Variants in LCN6 observed in about 807,000 individuals in gnomAD.
LCN6 encodes lipocalin 6.
In LCN6, 20 loss-of-function variants were observed where a neutral mutation model predicts 21.4. The observed-to-expected ratio is 0.93, with a 90% CI of 0.66 to 1.36. The LOEUF is 1.36. LCN6 is among the 40% of genes most tolerant of loss of function. The pLI, the probability that LCN6 is intolerant of heterozygous loss-of-function variation, is 0.00. For synonymous variants in LCN6, 96 were observed against 89.0 expected, an observed-to-expected ratio of 1.08 and a Z score of -0.44; for missense variants, 217 against 206.6, an observed-to-expected ratio of 1.05 and a Z score of -0.31.
intron 1 of LCN6, 78 bp from the exon 2 acceptor site, chr9:136,747,641 C>A: frequency 9.4e-7 from 1 of 1,067,286 alleles, no homozygotes; most frequent in Non-Finnish European, 1.3e-6. Context: ...CAGCCTCAGC[C>A]TCCAGCCTCC....
rs777864424 is a variant in LCN6 at position 136,748,485 on chromosome 9, C to T, written c.-2G>A. 2 of 1,612,710 alleles carry T rather than the reference C, an allele frequency of 1.2e-6. No individual in the cohort carries two copies. Among genetic ancestry groups the T allele is most frequent in the East Asian group, 2.2e-5 (1 of 44,848 alleles). The stretch of plus-strand genomic sequence containing the variant: ...AGCAGCCAGCAGCAGGCCGCCCATC[C>T]TCCCAGGTCTACACTGCGCCGCAGG... On this transcript the variant is annotated 5_prime_UTR_variant, in exon 1 of 7. Coordinates refer to ENST00000341206, the MANE Select transcript of LCN6 (RefSeq NM_198946.3).
In LCN6 at chr9:136,748,317, G is replaced by A. The variant is rs531657803; in HGVS notation, c.90+77C>T. On this transcript the variant is annotated intron_variant, in intron 1 of 6. Coordinates refer to ENST00000341206, the MANE Select transcript of LCN6 (RefSeq NM_198946.3). ...ATGCTGGTCTGGGCTAGCCCTGGGG[G>A]GCCCAGAAGCTGTGTGGCCTTAAAG... 3.3e-4 allele frequency: 425 copies of A among 1,294,276 alleles called. No individual in the cohort carries two copies. The African/African-American group carries it at 5.7e-3, about 17-fold the overall frequency. The allele number at this position is 1,294,276 out of a possible 1,614,324, so 80.2% of individuals were successfully genotyped here. A position where few individuals can be genotyped will look rare whatever the true frequency, so the allele number is the denominator to read the frequency against.
chr9:136,745,748 T>TGCC lies in LCN6; in HGVS notation c.301+95_301+96insGGC, dbSNP rs1847028558. The TGCC allele has an allele frequency of 4.7e-6, 5 of 1,073,008 alleles. No homozygotes were observed. In the African/African-American group the frequency reaches 7.8e-5, roughly 17 times the overall value. 66.5% of individuals were successfully genotyped at this position (1,073,008 alleles called of 1,614,324 possible). A position where few individuals can be genotyped will look rare whatever the true frequency, so the allele number is the denominator to read the frequency against. On this transcript the variant is annotated intron_variant, in intron 3 of 6. Coordinates refer to ENST00000341206, the MANE Select transcript of LCN6 (RefSeq NM_198946.3). The stretch of plus-strand genomic sequence containing the variant: ...ACCAGAACCTGTAGCCTCCTGGCTC[T>TGCC]CGGGAGCGGAGTCAGCCCTCCGTCC...
At chr9:136,747,315 C>T (rs1847052152) in intron 2 of LCN6, 109 bp downstream of exon 2, 7 of 1,281,278 alleles carry the variant, frequency 5.5e-6, no homozygotes, top group African/African-American at 2.9e-5. Flanking sequence ...GCAGAGGGGC[C>T]GTGGGAAGCC....
At position 136,748,051 on chromosome 9, in the gene LCN6, TTCTACAGCCCTCCAGCCTCCAGCCCAGC is replaced by T. The variant is rs1202998743; in HGVS notation, c.90+315_90+342del. On this transcript the variant is annotated intron_variant, in intron 1 of 6. Coordinates refer to ENST00000341206, the MANE Select transcript of LCN6 (RefSeq NM_198946.3). ...CAGCCTCCAGCCCTCCAGCCTCCAGTTCTACAGCCCTCCAGCCTCCAGCCCAGCAGCCTCCAGCCTCCAGTTCTCCAGC... is the reference window on the plus strand; with the variant it reads ...CAGCCTCCAGCCCTCCAGCCTCCAGTAGCCTCCAGCCTCCAGTTCTCCAGC... Among the ~76,000 whole-genome samples the T allele has an allele frequency of 6.7e-3, 646 of 96,018 alleles. 2 individuals carry two copies. The highest frequency in any genetic ancestry group is 0.029 in the African/African-American group (611 of 21,278). 63.0% of individuals were successfully genotyped at this position (96,018 alleles called of 152,430 possible). A position where few individuals can be genotyped will look rare whatever the true frequency, so the allele number is the denominator to read the frequency against.
chr9:136,747,460 G>A lies in LCN6; in HGVS notation c.194C>T (p.Pro65Leu). The change falls in exon 2 of 7, where the codon CCA (proline) becomes CTA (leucine). Residue 65 changes from proline (P) to leucine (L), a missense_variant. Coordinates refer to ENST00000341206, the MANE Select transcript of LCN6 (RefSeq NM_198946.3). Reference protein sequence around the residue: ...NVVGVVVTLTPENNLRTLSSQ... With the variant: ...NVVGVVVTLTLENNLRTLSSQ... Reference sequence around the variant, plus strand: ...GGACAGCGTCCGCAGGTTGTTTTCTGGAGTGAGGGTCACCACCACCCCCAC... The same window carrying A: ...GGACAGCGTCCGCAGGTTGTTTTCTAGAGTGAGGGTCACCACCACCCCCAC... The A allele has an allele frequency of 6.2e-7, 1 of 1,613,642 alleles. No homozygotes were observed. The highest frequency in any genetic ancestry group is 1.7e-4 in the Middle Eastern group (1 of 6,058).
chr9:136,746,398 G>A (rs1847039270), intron 2 of LCN6, among the ~76,000 whole-genome samples: 1 of 150,826 alleles, frequency 6.6e-6, no homozygotes, highest in Non-Finnish European at 1.5e-5. Context: ...GGGGCGGGGT[G>A]GGGGTTTGCC....
At chr9:136,747,585 TA>T in intron 1 of LCN6, 22 bp from the exon 2 acceptor site, 1 of 1,604,058 alleles carries the variant, frequency 6.2e-7, no homozygotes, top group Non-Finnish European at 8.5e-7. Context: ...CGGCTCCCGT[TA>T]GGGCCGCCAG....
chr9:136,746,188 T>C (rs938018922), intron 2 of LCN6, among the ~76,000 whole-genome samples: 1 of 144,758 alleles, frequency 6.9e-6, no homozygotes, highest in Non-Finnish European at 1.5e-5. Context: ...AACAGGAGAC[T>C]CGACAGACGG....
At chr9:136,747,921 C>T (rs1339226041) in intron 1 of LCN6, among the ~76,000 whole-genome samples, 4 of 126,494 alleles carry the variant, frequency 3.2e-5, no homozygotes, top group Admixed American at 7.9e-5. Flanking sequence ...TCCAGCCCTA[C>T]AGCCTCTAGG....
At position 136,744,294 on chromosome 9, in the gene LCN6, C is replaced by T. The variant is rs1847002781; in HGVS notation, c.*48+45G>A. On this transcript the variant is annotated intron_variant, in intron 6 of 6. Transcript: ENST00000341206. The surrounding 1 kb of genome is among the most constrained non-coding windows in gnomAD (Gnocchi z 4.2). Reference sequence around the variant, plus strand: ...TGCGTAGGGTGGCCTCCCCCACCCCCTTCCCCCAAGAGAGCCCAGGGTGAG... The same window carrying T: ...TGCGTAGGGTGGCCTCCCCCACCCCTTTCCCCCAAGAGAGCCCAGGGTGAG... The T allele has an allele frequency of 2.3e-5, 5 of 213,098 alleles. No individual in the cohort carries two copies. In the South Asian group the frequency reaches 6.1e-4, roughly 26 times the overall value. The allele number at this position is 213,098 out of a possible 1,614,324, so 13.2% of individuals were successfully genotyped here.
At chr9:136,745,311 G>A in intron 3 of LCN6, 31 bp from the exon 4 acceptor site, 3 of 1,497,394 alleles carry the variant, frequency 2.0e-6, no homozygotes, top group Non-Finnish European at 2.8e-6. Context: ...CCTCAGGGGA[G>A]GGCAGCTGCT....
chr9:136,748,247 C>T (rs1303587662), intron 1 of LCN6, 147 bp downstream of exon 1: 6 of 681,676 alleles, frequency 8.8e-6, no homozygotes, highest in Non-Finnish European at 1.5e-5. Flanking sequence ...AGGCTCCTGC[C>T]TGTGGGACTC....
At chr9:136,747,341 C>T in intron 2 of LCN6, 83 bp downstream of exon 2, 4 of 1,522,344 alleles carry the variant, frequency 2.6e-6, no homozygotes, top group Non-Finnish European at 3.6e-6. Context: ...GCCGCGGTGC[C>T]CGGGAGCAGA....
chr9:136,747,273 G>T, intron 2 of LCN6, 151 bp downstream of exon 2: 3 of 885,884 alleles, frequency 3.4e-6, no homozygotes, highest in Non-Finnish European at 5.1e-6. Flanking sequence ...TGGTGGCTCT[G>T]CACAGAGCCC....
In LCN6 at chr9:136,744,646, T is replaced by C. The variant is rs752178120; in HGVS notation, c.*16A>G. 1.1e-5 allele frequency: 18 copies of C among 1,597,846 alleles called. 1 individual carries two copies. The South Asian group carries it at 1.8e-4, about 16-fold the overall frequency. On this transcript the variant is annotated 3_prime_UTR_variant, in exon 5 of 7. Transcript: ENST00000341206. The surrounding 1 kb of genome is among the most constrained non-coding windows in gnomAD (Gnocchi z 4.2). ...TGCTCCGGTGGACACTCACGGTCCTTCTGCAGCTGGGCCTGCTACTGTGAC... is the reference window on the plus strand; with the variant it reads ...TGCTCCGGTGGACACTCACGGTCCTCCTGCAGCTGGGCCTGCTACTGTGAC...
intron 3 of LCN6, 36 bp from the exon 4 acceptor site, chr9:136,745,316 G>T: frequency 6.9e-7 from 1 of 1,458,920 alleles, no homozygotes; most frequent in Non-Finnish European, 9.6e-7. Flanking sequence ...GGGGAGGGCA[G>T]CTGCTGTATC....
Position 136,747,645 on chromosome 9 carries a change from A to G in LCN6, c.91-82T>C, listed in dbSNP as rs1464364535. 39 of 959,856 alleles carry G rather than the reference A, an allele frequency of 4.1e-5. No individual in the cohort carries two copies. The East Asian group carries it at 1.0e-3, about 26-fold the overall frequency. 59.5% of individuals were successfully genotyped at this position (959,856 alleles called of 1,614,324 possible). A position where few individuals can be genotyped will look rare whatever the true frequency, so the allele number is the denominator to read the frequency against. ...CTCCAACCCTCCAGCCTCAGCCTCCAGCCTCCAAACCTCCAGCCTCAGCCT... is the reference window on the plus strand; with the variant it reads ...CTCCAACCCTCCAGCCTCAGCCTCCGGCCTCCAAACCTCCAGCCTCAGCCT... On this transcript the variant is annotated intron_variant, in intron 1 of 6. Coordinates refer to ENST00000341206, the MANE Select transcript of LCN6 (RefSeq NM_198946.3).
Position 136,748,456 on chromosome 9 carries a change from GA to G in LCN6, c.27del (p.Leu10TrpfsTer44), listed in dbSNP as rs779069370. On this transcript the variant is annotated frameshift_variant, in exon 1 of 7. Coordinates refer to ENST00000341206, the MANE Select transcript of LCN6 (RefSeq NM_198946.3). LOFTEE classifies it high-confidence loss of function. MGGLLLAA[F>X]LALVSVPRAQ... ...GCCCTGGGCACCGAGACCAAAGCCA[GA>G]AAAGCAGCCAGCAGCAGGCCGCCCA... is the stretch of plus-strand genomic sequence containing the variant. 6.2e-7 allele frequency: 1 copy of G among 1,613,272 alleles called. No individual in the cohort carries two copies. The highest frequency in any genetic ancestry group is 8.5e-7 in the Non-Finnish European group (1 of 1,179,950).
Sources: allele counts gnomAD v4.1 joint callset (sites outside exome capture counted in the v4.1 genomes callset), GRCh38; gene constraint gnomAD v4.1.1; non-coding constraint Gnocchi (gnomAD v3.1); transcripts MANE v1.5; gene names NCBI Gene and HGNC (gene_info 2026-07-23, HGNC 2026-07-21).